ZDHHC17: variants seen among roughly 807,000 people sequenced by gnomAD.
ZDHHC17 encodes zDHHC palmitoyltransferase 17, also known as palmitoyltransferase ZDHHC17.
Under a neutral mutation model 90.3 loss-of-function variants are expected in ZDHHC17, and 40 were observed. The observed-to-expected ratio is 0.44, with a 90% confidence interval of 0.34 to 0.58. The LOEUF is 0.58. Ranked by LOEUF, ZDHHC17 falls within the 20% of genes least tolerant of loss-of-function variation. The pLI is 0.01. For missense variants in ZDHHC17, 614 were observed against 780.8 expected (o/e 0.79, Z 2.55); for synonymous variants, 235 against 252.4 (o/e 0.93, Z 0.65).
At position 76,846,033 on chromosome 12, in the gene ZDHHC17, T is replaced by A. The variant is rs186491770; in HGVS notation, c.1423+231T>A. 2.8e-3 allele frequency among the ~76,000 whole-genome samples: 421 copies of A among 152,206 alleles called. 5 individuals are homozygous for A. The highest frequency in any genetic ancestry group is 9.5e-3 in the African/African-American group (394 of 41,526). On this transcript the variant is annotated intron_variant, in intron 13 of 16. Transcript: ENST00000426126. Reference sequence around the variant, plus strand: ...AGTTCTATCTGGTGCCTACTCTTGATAAGGAGGCAAAATTTTTTTTTTCTA... The same window carrying A: ...AGTTCTATCTGGTGCCTACTCTTGAAAAGGAGGCAAAATTTTTTTTTTCTA...
intron 7 of ZDHHC17, among the ~76,000 whole-genome samples, chr12:76,819,549 A>T (rs1200540295): frequency 1.3e-5 from 2 of 152,204 alleles, no homozygotes; most frequent in African/African-American, 2.4e-5. Flanking sequence ...CCCTTTCCCT[A>T]AAATACCTAT....
intron 1 of ZDHHC17, among the ~76,000 whole-genome samples, chr12:76,765,029 C>G (rs1952416163): frequency 1.3e-5 from 2 of 152,190 alleles, no homozygotes; most frequent in Non-Finnish European, 2.9e-5. Context: ...AACAGTGCCC[C>G]GCTCCACAGT....
At chr12:76,840,031 A>G (rs1159399231) in intron 10 of ZDHHC17, 3 of 152,224 alleles carry the variant, frequency 2.0e-5, no homozygotes, top group Non-Finnish European at 4.4e-5. Flanking sequence ...AATCTTGGAC[A>G]GTGTAGCTTC....
chr12:76,797,650 ATTAGT>A (rs1291005336), intron 2 of ZDHHC17, 113 bp downstream of exon 2: 2 of 808,106 alleles, frequency 2.5e-6, no homozygotes, highest in Non-Finnish European at 3.6e-6. Context: ...CAATTAAAAA[ATTAGT>A]TTATGGGCCG....
intron 2 of ZDHHC17, among the ~76,000 whole-genome samples, chr12:76,800,885 C>CTT (rs71085458): frequency 0.23 from 24,982 of 107,916 alleles, 3,333 homozygotes; most frequent in African/African-American, 0.36. Flanking sequence ...TTTGCCATTT[C>CTT]TTTTTTTTTT....
Position 76,851,258 on chromosome 12 carries a change from G to T in ZDHHC17, c.*273G>T. 2.7e-6 allele frequency: 1 copy of T among 369,788 alleles called. No individual in the cohort carries two copies. The highest frequency in any genetic ancestry group is 3.0e-5 in the South Asian group (1 of 32,898). The allele number at this position is 369,788 out of a possible 1,614,324, so 22.9% of individuals were successfully genotyped here. A position where few individuals can be genotyped will look rare whatever the true frequency, so the allele number is the denominator to read the frequency against. On this transcript the variant is annotated 3_prime_UTR_variant, in exon 17 of 17. Coordinates refer to ENST00000426126, the MANE Select transcript of ZDHHC17 (RefSeq NM_015336.4). Reference sequence around the variant, plus strand: ...ACAACATACTCAACTTTTGGGTTTTGTTCTCACAGTATTTTTCACAAAAAA... The same window carrying T: ...ACAACATACTCAACTTTTGGGTTTTTTTCTCACAGTATTTTTCACAAAAAA...
chr12:76,772,510 G>A (rs917790257), intron 1 of ZDHHC17, among the ~76,000 whole-genome samples: 3 of 148,650 alleles, frequency 2.0e-5, no homozygotes, highest in Non-Finnish European at 3.0e-5. Context: ...TCTTCGTGTT[G>A]TGTATTCTAT....
At chr12:76,832,981 AT>A (rs1953322883) in intron 10 of ZDHHC17, among the ~76,000 whole-genome samples, 1 of 152,284 alleles carries the variant, frequency 6.6e-6, no homozygotes, top group Admixed American at 6.5e-5. Flanking sequence ...TTACAAATAA[AT>A]TTTATCATGG....
chr12:76,809,893 A>G (rs1455094104), intron 5 of ZDHHC17, 36 bp downstream of exon 5: 1 of 1,589,560 alleles, frequency 6.3e-7, no homozygotes, highest in Non-Finnish European at 8.6e-7. Flanking sequence ...TTTTAATCAG[A>G]TGTTCTTCAT....
At chr12:76,788,883 A>T (rs1384001588) in intron 1 of ZDHHC17, among the ~76,000 whole-genome samples, 1 of 151,434 alleles carries the variant, frequency 6.6e-6, no homozygotes, top group African/African-American at 2.4e-5. Context: ...TTTAGTAGAG[A>T]CGGGGTTTTC....
At position 76,815,133 on chromosome 12, in the gene ZDHHC17, T is replaced by G. The variant is rs147612581; in HGVS notation, c.544-13T>G. The G allele has an allele frequency of 2.4e-4, 368 of 1,533,738 alleles. 1 individual carries two copies. In the African/African-American group the frequency reaches 4.3e-3, roughly 18 times the overall value. On this transcript the variant is annotated splice_polypyrimidine_tract_variant and intron_variant, in intron 5 of 16. Coordinates refer to ENST00000426126, the MANE Select transcript of ZDHHC17 (RefSeq NM_015336.4). ...ATTTAACTGTCTGACTTTTTTTCTT[T>G]TTACTTTATCAGGATGTAGATATGA...
chr12:76,779,321 C>T (rs1002064353), intron 1 of ZDHHC17, among the ~76,000 whole-genome samples: 12 of 152,240 alleles, frequency 7.9e-5, no homozygotes, highest in Middle Eastern at 3.4e-3. Flanking sequence ...ATACCCAAGA[C>T]GGGGTACTTT....
Position 76,764,316 on chromosome 12 carries a change from T to C in ZDHHC17, c.80T>C (p.Leu27Pro). The change falls in exon 1 of 17, where the codon CTT becomes CCT. Residue 27 changes from leucine (L) to proline (P), a missense_variant. This residue lies in a region of ZDHHC17 where 358 missense variants were observed against 380.4 expected (regional missense o/e 0.94). Coordinates refer to ENST00000426126, the MANE Select transcript of ZDHHC17 (RefSeq NM_015336.4). Reference sequence around the variant, plus strand: ...GATACCGAAGCGGGCTGTGTGCCCCTTCTCCACCCAGAGGTGAGGAACCGT... The same window carrying C: ...GATACCGAAGCGGGCTGTGTGCCCCCTCTCCACCCAGAGGTGAGGAACCGT... ...EYDTEAGCVP[L>P]LHPEEIKPQS... 1 of 1,601,496 alleles carries C rather than the reference T, an allele frequency of 6.2e-7. No individual in the cohort carries two copies.
intron 2 of ZDHHC17, among the ~76,000 whole-genome samples, chr12:76,800,594 A>C (rs980591196): frequency 2.6e-5 from 4 of 152,342 alleles, no homozygotes; most frequent in South Asian, 4.1e-4. Context: ...TTTTATTAAT[A>C]TGTAATGTCT....
chr12:76,801,796 A>G (rs1952895045), intron 2 of ZDHHC17, among the ~76,000 whole-genome samples: 1 of 152,220 alleles, frequency 6.6e-6, no homozygotes, highest in Admixed American at 6.5e-5. Flanking sequence ...ATGTCACAGA[A>G]CTGCATATGT....
Position 76,822,463 on chromosome 12 carries a change from T to C in ZDHHC17, c.829T>C (p.Leu277=), listed in dbSNP as rs778592252. The C allele has an allele frequency of 6.2e-7, 1 of 1,613,516 alleles. No homozygotes were observed. The highest frequency in any genetic ancestry group is 8.5e-7 in the Non-Finnish European group (1 of 1,179,768). ...QRKNVWMINH[L]QEARQAKGYD... Reference sequence around the variant, plus strand: ...AAAAAATGTGTGGATGATCAACCACTTACAAGAGGCAAGGCAAGCAAAAGG... The same window carrying C: ...AAAAAATGTGTGGATGATCAACCACCTACAAGAGGCAAGGCAAGCAAAAGG... Residue 277 remains leucine, a synonymous_variant, in exon 8 of 17, where the codon TTA becomes CTA. Transcript: ENST00000426126.
At chr12:76,829,769 C>T (rs1445397452) in intron 10 of ZDHHC17, among the ~76,000 whole-genome samples, 4 of 152,236 alleles carry the variant, frequency 2.6e-5, no homozygotes, top group African/African-American at 9.6e-5. Context: ...TCATGAAAAG[C>T]ATGTAATGCT....
chr12:76,767,011 T>G (rs539418298), intron 1 of ZDHHC17, among the ~76,000 whole-genome samples: 1 of 144,484 alleles, frequency 6.9e-6, no homozygotes, highest in Non-Finnish European at 1.5e-5. Context: ...AGAGCAAGAT[T>G]ATGTCTCAAA....
chr12:76,801,640 C>CA (rs1952892396), intron 2 of ZDHHC17, among the ~76,000 whole-genome samples: 2 of 151,570 alleles, frequency 1.3e-5, no homozygotes, highest in East Asian at 3.9e-4. Context: ...GGCTACACAG[C>CA]AAGACTCTGT....
Sources: gnomAD v4.1 joint callset for allele counts (sites outside exome capture counted in the v4.1 genomes callset) on GRCh38, gnomAD v4.1.1 for gene constraint, gnomAD v4.1.1 regional missense constraint, MANE v1.5 for transcripts, NCBI Gene and HGNC (gene_info 2026-07-23, HGNC 2026-07-21) for gene names.